NREP: variants seen among roughly 807,000 people sequenced by gnomAD.
NREP encodes neuronal regeneration-related protein.
In NREP, 5 loss-of-function variants were observed where a neutral mutation model predicts 8.6. The observed-to-expected ratio is 0.58, with a 90% CI of 0.30 to 1.22. The LOEUF is 1.22. Ranked by LOEUF, NREP falls within the 50% of genes most tolerant of loss-of-function variation. The pLI, the probability that NREP is intolerant of heterozygous loss-of-function variation, is 0.07. For synonymous variants in NREP, 27 were observed against 28.0 expected (o/e 0.96, Z 0.11); for missense variants, 86 against 82.5 (o/e 1.04, Z -0.17).
intron 2 of NREP, among the ~76,000 whole-genome samples, chr5:111,766,296 A>T (rs1026612913): frequency 6.6e-6 from 1 of 152,202 alleles, no homozygotes. Flanking sequence ...GAGGATTCTG[A>T]GACTGTTCAT....
chr5:111,849,070 A>T (rs1298854796), intron 2 of NREP, among the ~76,000 whole-genome samples: 2 of 152,170 alleles, frequency 1.3e-5, no homozygotes, highest in Non-Finnish European at 2.9e-5. Flanking sequence ...TTTTGTGGGT[A>T]ACACAGAGAA....
intron 2 of NREP, among the ~76,000 whole-genome samples, chr5:111,822,647 A>T (rs987654522): frequency 6.6e-6 from 1 of 152,268 alleles, no homozygotes; most frequent in Non-Finnish European, 1.5e-5. Flanking sequence ...AATCATTCAG[A>T]GTCTGAAATT....
intron 2 of NREP, among the ~76,000 whole-genome samples, chr5:111,972,412 G>A (rs892587519): frequency 1.3e-5 from 2 of 152,188 alleles, no homozygotes; most frequent in Non-Finnish European, 2.9e-5. Context: ...CAGGATTGCA[G>A]TGGTTTTCAA....
At chr5:111,928,512 G>C (rs1182556448) in intron 2 of NREP, among the ~76,000 whole-genome samples, 3 of 152,118 alleles carry the variant, frequency 2.0e-5, no homozygotes, top group African/African-American at 7.2e-5. Context: ...CTGAATTCCA[G>C]TTTTAGAAGA....
Position 111,813,540 on chromosome 5 carries a change from T to A in NREP, c.136-78033A>T, listed in dbSNP as rs200894260. Among the ~76,000 whole-genome samples, 28 of 151,102 alleles carry A rather than the reference T, an allele frequency of 1.9e-4. No homozygotes were observed. In the East Asian group the frequency reaches 5.2e-3, roughly 28 times the overall value. ...TTGATTTTCCAGATCCTCCTATATA[T>A]TTTTTCTTCTTTTAATCAGTAATTT... On this transcript the variant is annotated intron_variant, in intron 2 of 3. Transcript: ENST00000395634.
At chr5:111,833,236 G>A (rs1752816584) in intron 2 of NREP, among the ~76,000 whole-genome samples, 1 of 152,194 alleles carries the variant, frequency 6.6e-6, no homozygotes, top group African/African-American at 2.4e-5. Context: ...AAAATCCTCA[G>A]AGGGATAACT....
At chr5:111,835,768 G>T (rs1288949166) in intron 2 of NREP, among the ~76,000 whole-genome samples, 1 of 152,010 alleles carries the variant, frequency 6.6e-6, no homozygotes, top group Non-Finnish European at 1.5e-5. Context: ...CTGAGTAGAA[G>T]AAGACAGAGG....
chr5:111,805,704 A>C (rs963595322), intron 2 of NREP, among the ~76,000 whole-genome samples: 11 of 152,224 alleles, frequency 7.2e-5, no homozygotes, highest in Non-Finnish European at 1.0e-4. Context: ...TAAGTTCAGG[A>C]CTGACTGAAT....
At chr5:111,873,698 A>G (rs1753840358) in intron 2 of NREP, among the ~76,000 whole-genome samples, 1 of 152,200 alleles carries the variant, frequency 6.6e-6, no homozygotes, top group African/African-American at 2.4e-5. Flanking sequence ...GCCTACCCAA[A>G]TAATCCAGGA....
chr5:111,766,074 T>C (rs1751075610), intron 2 of NREP, among the ~76,000 whole-genome samples: 1 of 152,234 alleles, frequency 6.6e-6, no homozygotes, highest in Admixed American at 6.5e-5. Context: ...TTACATATTA[T>C]TACAGTTCCT....
At chr5:111,961,312 A>C (rs1300745300) in intron 2 of NREP, among the ~76,000 whole-genome samples, 1 of 152,230 alleles carries the variant, frequency 6.6e-6, no homozygotes, top group Non-Finnish European at 1.5e-5. Flanking sequence ...CAGTGGATTT[A>C]AGTCTGAAGA....
At chr5:111,893,697 A>G (rs1754445021) in intron 2 of NREP, among the ~76,000 whole-genome samples, 1 of 151,030 alleles carries the variant, frequency 6.6e-6, no homozygotes, top group African/African-American at 2.4e-5. Context: ...CCCTTAAGAT[A>G]GATGCATTTT....
intron 2 of NREP, among the ~76,000 whole-genome samples, chr5:111,906,748 G>T (rs982561145): frequency 2.0e-5 from 3 of 151,842 alleles, no homozygotes; most frequent in Admixed American, 6.6e-5. Flanking sequence ...GTTTTAATTT[G>T]CATTTCTCTA....
chr5:111,783,598 G>C (rs894427983), intron 2 of NREP, among the ~76,000 whole-genome samples: 1 of 152,172 alleles, frequency 6.6e-6, no homozygotes, highest in Non-Finnish European at 1.5e-5. Flanking sequence ...TTTTATTGAT[G>C]TCCCTTCTCC....
At chr5:111,814,949 T>G (rs1752350957) in intron 2 of NREP, among the ~76,000 whole-genome samples, 1 of 128,388 alleles carries the variant, frequency 7.8e-6, no homozygotes, top group Non-Finnish European at 1.6e-5. Context: ...AATAATGGGA[T>G]AAGTTACCAA....
chr5:111,902,731 C>T (rs1754675662), intron 2 of NREP, among the ~76,000 whole-genome samples: 1 of 152,154 alleles, frequency 6.6e-6, no homozygotes, highest in Non-Finnish European at 1.5e-5. Context: ...GGGAAAGCTT[C>T]ACCAGAGAGT....
intron 2 of NREP, among the ~76,000 whole-genome samples, chr5:111,900,286 T>C (rs1754615303): frequency 6.6e-6 from 1 of 151,780 alleles, no homozygotes; most frequent in African/African-American, 2.4e-5. Flanking sequence ...GCAAAAGCAG[T>C]GCTGAGAGAG....
chr5:111,879,667 C>T (rs756493362), intron 2 of NREP, among the ~76,000 whole-genome samples: 2 of 152,054 alleles, frequency 1.3e-5, no homozygotes, highest in African/African-American at 2.4e-5. Context: ...AACGATATAC[C>T]GTAGACTGGA....
chr5:111,975,634 G>T (rs2112679856), intron 1 of NREP, among the ~76,000 whole-genome samples: 1 of 152,152 alleles, frequency 6.6e-6, no homozygotes, highest in East Asian at 1.9e-4. Context: ...CAAAGAAAAT[G>T]GTTATACTAA....
Sources: allele counts gnomAD v4.1 joint callset (sites outside exome capture counted in the v4.1 genomes callset), GRCh38; gene constraint gnomAD v4.1.1; transcripts MANE v1.5; gene names NCBI Gene and HGNC (gene_info 2026-07-23, HGNC 2026-07-21).